DYNLT3: variants seen among roughly 807,000 people sequenced by gnomAD.
DYNLT3 encodes protein 91/23.
A neutral mutation model predicts 11.0 loss-of-function variants in DYNLT3; 4 were observed. That is an observed-to-expected ratio of 0.36 (90% CI 0.18 to 0.83). The LOEUF is 0.83. DYNLT3 is among the 40% of genes least tolerant of loss of function. The probability of loss-of-function intolerance (pLI) is 0.47; values close to 1 mark genes in which losing one functional copy is unlikely to be tolerated. For missense variants in DYNLT3, 91 were observed against 91.1 expected (o/e 1.00, Z 0.01); for synonymous variants, 37 against 31.2 (o/e 1.18, Z -0.61).
At chrX:37,842,151 T>C (rs1335938847) in intron 2 of DYNLT3, among the ~76,000 whole-genome samples, 1 of 111,420 alleles carries the variant, frequency 9.0e-6, no homozygotes, top group Admixed American at 9.6e-5. Context: ...TAAAGATAAA[T>C]ATGTCATGGC....
chrX:37,847,149 C>G (rs995351923), intron 1 of DYNLT3: 9 of 1,139,774 alleles, frequency 7.9e-6, no homozygotes, highest in South Asian at 2.0e-5. Context: ...CGGGAAGACC[C>G]GTTTTCGAGG....
chrX:37,843,747 C>T (rs151082517), intron 2 of DYNLT3, among the ~76,000 whole-genome samples: 109 of 111,361 alleles, frequency 9.8e-4, no homozygotes, highest in African/African-American at 3.4e-3. Flanking sequence ...GAAGGAAAAA[C>T]ATATTAGCAT....
chrX:37,843,316 G>A (rs540425406), intron 2 of DYNLT3, among the ~76,000 whole-genome samples: 138 of 112,309 alleles, frequency 1.2e-3, no homozygotes, highest in African/African-American at 4.1e-3. Context: ...TAAAGTAAGA[G>A]CACTCATTTT....
At chrX:37,842,217 A>G (rs1268538937) in intron 2 of DYNLT3, among the ~76,000 whole-genome samples, 4 of 111,591 alleles carry the variant, frequency 3.6e-5, no homozygotes, top group Non-Finnish European at 7.5e-5. Context: ...TCGAATATCT[A>G]TAACACAAGG....
In DYNLT3 at chrX:37,847,475, C is replaced by G. The variant is rs1286047364; in HGVS notation, c.30+6G>C. The G allele has an allele frequency of 7.0e-6, 7 of 1,001,234 alleles. No individual in the cohort carries two copies. In the Admixed American group the frequency reaches 2.5e-4, roughly 36 times the overall value. The allele number at this position is 1,001,234 out of a possible 1,213,427, so 82.5% of individuals were successfully genotyped here. A position where few individuals can be genotyped will look rare whatever the true frequency, so the allele number is the denominator to read the frequency against. Reference sequence around the variant, plus strand: ...GGGGCGCTCCCAGGTAGCCAAGGGGCGGTACCTCGTCGCAGTGGCGATGGT... The same window carrying G: ...GGGGCGCTCCCAGGTAGCCAAGGGGGGGTACCTCGTCGCAGTGGCGATGGT... On this transcript the variant is annotated splice_donor_region_variant and intron_variant, in intron 1 of 4. Transcript: ENST00000378578.
chrX:37,840,354 A>G lies in DYNLT3; in HGVS notation c.*221T>C. Reference sequence around the variant, plus strand: ...CATATTTCTAAATTTATTTTTTGCTAGCATTAAATTTTTCCTATTTAAACG... The same window carrying G: ...CATATTTCTAAATTTATTTTTTGCTGGCATTAAATTTTTCCTATTTAAACG... On this transcript the variant is annotated 3_prime_UTR_variant, in exon 5 of 5. Coordinates refer to ENST00000378578, the MANE Select transcript of DYNLT3 (RefSeq NM_006520.3). The G allele has an allele frequency of 4.1e-6, 1 of 244,726 alleles. No homozygotes were observed. 20.2% of individuals were successfully genotyped at this position (244,726 alleles called of 1,213,427 possible).
intron 2 of DYNLT3, among the ~76,000 whole-genome samples, chrX:37,842,343 G>C (rs754105564): frequency 8.9e-6 from 1 of 111,783 alleles, no homozygotes; most frequent in Non-Finnish European, 1.9e-5. Flanking sequence ...TCACATGCTA[G>C]AAACAGGATG....
Position 37,847,514 on chromosome X carries a change from A to G in DYNLT3, c.-4T>C, listed in dbSNP as rs762581143. 7.5e-5 allele frequency: 73 copies of G among 975,592 alleles called. No individual in the cohort carries two copies. The highest frequency in any genetic ancestry group is 9.2e-5 in the Non-Finnish European group (71 of 773,525). 80.4% of individuals were successfully genotyped at this position (975,592 alleles called of 1,213,427 possible). A position where few individuals can be genotyped will look rare whatever the true frequency, so the allele number is the denominator to read the frequency against. ...AGTGGCGATGGTACTCCTCCATGGT[A>G]GCGCCGGCTCTCCCTGGGGCGGAGC... On this transcript the variant is annotated 5_prime_UTR_variant, in exon 1 of 5. Transcript: ENST00000378578.
At chrX:37,846,191 A>T (rs1602197934) in intron 2 of DYNLT3, 126 bp downstream of exon 2, 2 of 710,439 alleles carry the variant, frequency 2.8e-6, no homozygotes, top group East Asian at 7.4e-5. Context: ...AAAATAAAAT[A>T]AAACAAAACA....
chrX:37,847,188 A>T (rs1045040960), intron 1 of DYNLT3: 22 of 1,086,300 alleles, frequency 2.0e-5, no homozygotes, highest in Non-Finnish European at 2.5e-5. Context: ...GGCGCCCGTC[A>T]CCCCATGCCC....
intron 1 of DYNLT3, 116 bp downstream of exon 1, chrX:37,847,365 G>C (rs1930286030): frequency 1.0e-6 from 1 of 966,136 alleles, no homozygotes; most frequent in African/African-American, 2.0e-5. Flanking sequence ...ACCCGGGCTC[G>C]GAGGACGCCG....
intron 2 of DYNLT3, among the ~76,000 whole-genome samples, chrX:37,844,630 GTTCTT>G (rs753197640): frequency 1.8e-5 from 2 of 112,408 alleles, no homozygotes; most frequent in Non-Finnish European, 3.8e-5. Context: ...GCAGAGGATT[GTTCTT>G]TAACATTCCT....
At chrX:37,844,237 T>G (rs933690437) in intron 2 of DYNLT3, among the ~76,000 whole-genome samples, 2 of 112,143 alleles carry the variant, frequency 1.8e-5, no homozygotes, top group Non-Finnish European at 3.8e-5. Flanking sequence ...GCATGATTCT[T>G]TTAATTTGAT....
intron 4 of DYNLT3, 130 bp downstream of exon 4, chrX:37,840,898 C>G (rs763530632): frequency 3.0e-4 from 197 of 664,713 alleles, no homozygotes; most frequent in Middle Eastern, 4.7e-4. Context: ...ATACTTGTTA[C>G]TAGGTACAAA....
In DYNLT3 at chrX:37,841,051, C is replaced by G. The variant is rs1256302320; in HGVS notation, c.251G>C (p.Cys84Ser). 4.1e-6 allele frequency: 5 copies of G among 1,208,277 alleles called. No individual in the cohort carries two copies. In the South Asian group the frequency reaches 7.1e-5, roughly 17 times the overall value. The part of the protein sequence containing the change: ...SAYGFHTASS[C>S]FWDTTSDGTC... ...ACCATCAGATGTGGTATCCCAAAAACAGGAGCTGGCTGTGTGAAAGCCATA... is the reference window on the plus strand; with the variant it reads ...ACCATCAGATGTGGTATCCCAAAAAGAGGAGCTGGCTGTGTGAAAGCCATA... The change falls in exon 4 of 5, where the codon TGT (cysteine) becomes TCT (serine). Residue 84 changes from cysteine (C) to serine (S), a missense_variant. Cys to Ser is a moderately radical substitution (Grantham distance 112). Coordinates refer to ENST00000378578, the MANE Select transcript of DYNLT3 (RefSeq NM_006520.3).
intron 2 of DYNLT3, among the ~76,000 whole-genome samples, chrX:37,843,335 G>A (rs950127502): frequency 8.9e-6 from 1 of 112,015 alleles, no homozygotes; most frequent in African/African-American, 3.2e-5. Flanking sequence ...TTTCTTTCAG[G>A]TTATTTAGTA....
In DYNLT3 at chrX:37,839,828, T is replaced by G. The variant is rs1053740920; in HGVS notation, c.*747A>C. On this transcript the variant is annotated 3_prime_UTR_variant, in exon 5 of 5. Coordinates refer to ENST00000378578, the MANE Select transcript of DYNLT3 (RefSeq NM_006520.3). ...GCTTAGCAGAGACATATGCCCATAA[T>G]AGGCATCTGATAAATGTTTGTTCCA... 2.7e-5 allele frequency: 3 copies of G among 112,492 alleles called. No homozygotes were observed. Among genetic ancestry groups the G allele is most frequent in the Non-Finnish European group, 5.6e-5 (3 of 53,220 alleles). 9.3% of individuals were successfully genotyped at this position (112,492 alleles called of 1,213,427 possible).
chrX:37,841,092 C>A lies in DYNLT3; in HGVS notation c.210G>T (p.Val70=). The A allele has an allele frequency of 8.3e-7, 1 of 1,208,520 alleles. No homozygotes were observed. Among genetic ancestry groups the A allele is most frequent in the African/African-American group, 1.7e-5 (1 of 57,491 alleles). ...KAYKYIVTCA[V]VQKSAYGFHT... ...GAAAGCCATATGCGCTCTTCTGGAC[C>A]ACTGCACAGGTCACTGCAAATAAAG... The change falls in exon 4 of 5, where the codon GTG becomes GTT. Residue 70 remains valine, a synonymous_variant. Coordinates refer to ENST00000378578, the MANE Select transcript of DYNLT3 (RefSeq NM_006520.3).
chrX:37,842,604 T>C (rs1381964425), intron 2 of DYNLT3, among the ~76,000 whole-genome samples: 1 of 111,854 alleles, frequency 8.9e-6, no homozygotes, highest in Non-Finnish European at 1.9e-5. Flanking sequence ...GCACTGGCTC[T>C]AGTATCACAA....
Sources: allele counts gnomAD v4.1 joint callset (sites outside exome capture counted in the v4.1 genomes callset), GRCh38; gene constraint gnomAD v4.1.1; transcripts MANE v1.5; gene names NCBI Gene and HGNC (gene_info 2026-07-23, HGNC 2026-07-21).